The following ZNF91 variants were observed in gnomAD, a reference collection of about 807,000 sequenced individuals.
ZNF91 encodes the protein zinc finger protein 91 (HPF7, HTF10).
In ZNF91, 7 loss-of-function variants were observed where a neutral mutation model predicts 12.6. The observed-to-expected ratio is 0.55, with a 90% CI of 0.31 to 1.04. The LOEUF is 1.04. Ranked by LOEUF, ZNF91 falls within the 50% of genes least tolerant of loss-of-function variation. ZNF91 has a pLI of 0.05. For missense variants in ZNF91, 1,217 were observed against 1,385.4 expected (o/e 0.88, Z 1.93); for synonymous variants, 453 against 462.6 (o/e 0.98, Z 0.27).
At chr19:23,385,709 C>T (rs1312844112) in intron 1 of ZNF91, among the ~76,000 whole-genome samples, 1 of 152,152 alleles carries the variant, frequency 6.6e-6, no homozygotes, top group African/African-American at 2.4e-5. Context: ...AACACCTCAG[C>T]CTTTTTTCTA....
chr19:23,373,472 G>A (rs1022338835), intron 3 of ZNF91, among the ~76,000 whole-genome samples: 5 of 150,104 alleles, frequency 3.3e-5, no homozygotes, highest in Non-Finnish European at 7.4e-5. Flanking sequence ...TTAGCAAAAT[G>A]TAAAATTAGC....
At chr19:23,383,804 G>A (rs928031846) in intron 1 of ZNF91, among the ~76,000 whole-genome samples, 1 of 151,998 alleles carries the variant, frequency 6.6e-6, no homozygotes, top group Non-Finnish European at 1.5e-5. Flanking sequence ...GAGCAATCAG[G>A]CAAAAGATAA....
intron 1 of ZNF91, among the ~76,000 whole-genome samples, chr19:23,394,955 G>A (rs1315816428): frequency 6.6e-6 from 1 of 152,074 alleles, no homozygotes; most frequent in East Asian, 1.9e-4. Flanking sequence ...GAGGCCCTGG[G>A]AACCCCACGG....
chr19:23,329,601 C>T (rs1185509614), intron 1 of ZNF91, among the ~76,000 whole-genome samples: 2 of 152,176 alleles, frequency 1.3e-5, no homozygotes, highest in Non-Finnish European at 2.9e-5. Context: ...GAAAATGATT[C>T]ATTTTACCCC....
chr19:23,320,629 T>C (rs1967669296), intron 1 of ZNF91, among the ~76,000 whole-genome samples: 1 of 152,234 alleles, frequency 6.6e-6, no homozygotes, highest in Admixed American at 6.5e-5. Flanking sequence ...AACTGTCCCA[T>C]GATCCAATGA....
chr19:23,373,154 A>G (rs748543411), intron 3 of ZNF91, among the ~76,000 whole-genome samples: 3 of 152,134 alleles, frequency 2.0e-5, no homozygotes, highest in Non-Finnish European at 2.9e-5. Flanking sequence ...AAACCAGTCT[A>G]TAAATACTTG....
chr19:23,366,261 C>T (rs1026502525), intron 3 of ZNF91, among the ~76,000 whole-genome samples: 3 of 151,802 alleles, frequency 2.0e-5, no homozygotes, highest in Non-Finnish European at 4.4e-5. Context: ...CCCATACCTC[C>T]CTCCCAGACG....
In ZNF91 at chr19:23,345,638, T is replaced by A. The variant is rs144720348; in HGVS notation, c.254-6584A>T. 1.6e-4 allele frequency among the ~76,000 whole-genome samples: 25 copies of A among 152,126 alleles called. No homozygotes were observed. The East Asian group carries it at 4.3e-3, about 26-fold the overall frequency. On this transcript the variant is annotated intron_variant, in intron 3 of 3. Transcript: ENST00000599743. ...TTTTTCCTCTTTGGATCCAGCAGAC[T>A]GCTGTCCACCCTCCCAGCCCCTACC...
downstream of ZNF91, among the ~76,000 whole-genome samples, chr19:23,334,709 G>C (rs527820739): frequency 5.3e-5 from 8 of 152,202 alleles, no homozygotes; most frequent in East Asian, 1.5e-3. Flanking sequence ...CAAAAACATT[G>C]AATATGAACA....
chr19:23,336,861 C>T (rs1190243398), downstream of ZNF91, among the ~76,000 whole-genome samples: 1 of 152,054 alleles, frequency 6.6e-6, no homozygotes, highest in Admixed American at 6.6e-5. Context: ...GCTCCGCCCC[C>T]CAGGTTCATG....
chr19:23,384,953 G>A (rs2145127401), intron 1 of ZNF91: 1 of 893,752 alleles, frequency 1.1e-6, no homozygotes, highest in Non-Finnish European at 1.9e-6. Flanking sequence ...AAGTTGCCAA[G>A]GCTTAGCTGC....
At chr19:23,384,137 G>C (rs960399633) in intron 1 of ZNF91, among the ~76,000 whole-genome samples, 1 of 152,022 alleles carries the variant, frequency 6.6e-6, no homozygotes, top group Non-Finnish European at 1.5e-5. Flanking sequence ...AATTAAAGGC[G>C]TTTAAACAGG....
chr19:23,342,598 T>C (rs73565014), intron 3 of ZNF91, among the ~76,000 whole-genome samples: 84 of 134,922 alleles, frequency 6.2e-4, no homozygotes, highest in African/African-American at 1.9e-3. Context: ...CCTATTAAGA[T>C]AAAACATCTT....
At chr19:23,368,770 A>G (rs1335028713) in intron 3 of ZNF91, among the ~76,000 whole-genome samples, 3 of 152,028 alleles carry the variant, frequency 2.0e-5, no homozygotes, top group Non-Finnish European at 4.4e-5. Context: ...ATAAGTGTGA[A>G]TATCCAAAAA....
chr19:23,389,986 C>T (rs1037349879), intron 1 of ZNF91, among the ~76,000 whole-genome samples: 13 of 152,246 alleles, frequency 8.5e-5, no homozygotes, highest in Middle Eastern at 3.4e-3. Context: ...CAGAACTCAG[C>T]GGAACACTGT....
intron 3 of ZNF91, among the ~76,000 whole-genome samples, chr19:23,370,619 A>G (rs35528917): frequency 6.6e-6 from 1 of 152,018 alleles, no homozygotes. Context: ...CTGCCCCTCA[A>G]TCTCTCAAGT....
chr19:23,349,923 C>T (rs295380), intron 3 of ZNF91, among the ~76,000 whole-genome samples: 44,182 of 151,850 alleles, frequency 0.29, 6,732 homozygotes, highest in East Asian at 0.38. Context: ...AACGGATCAT[C>T]GAATATTAAC....
At position 23,360,988 on chromosome 19, in the gene ZNF91, C is replaced by T; in HGVS notation, c.1991G>A (p.Gly664Asp). 1 of 1,613,322 alleles carries T rather than the reference C, an allele frequency of 6.2e-7. No homozygotes were observed. Among genetic ancestry groups the T allele is most frequent in the Non-Finnish European group, 8.5e-7 (1 of 1,179,550 alleles). The change falls in exon 4 of 4, where the codon GGC (glycine) becomes GAC (aspartate). Residue 664 changes from glycine (G) to aspartate (D), a missense_variant. Coordinates refer to ENST00000300619, the MANE Select transcript of ZNF91 (RefSeq NM_003430.4). ...GEKPYKCKEC[G>D]KAFSNSSTLA... is the part of the protein sequence containing the mutation. ...GGTTGAGGAATTGCTAAAAGCTTTGCCACATTCTTTACATTTGTAGGGTTT... is the reference window on the plus strand; with the variant it reads ...GGTTGAGGAATTGCTAAAAGCTTTGTCACATTCTTTACATTTGTAGGGTTT...
intron 1 of ZNF91, among the ~76,000 whole-genome samples, chr19:23,385,584 C>T (rs1185516944): frequency 6.6e-6 from 1 of 152,204 alleles, no homozygotes; most frequent in African/African-American, 2.4e-5. Flanking sequence ...CACAAGAAAT[C>T]TAGCTTGGCC....
Sources: gnomAD v4.1 joint callset for allele counts (sites outside exome capture counted in the v4.1 genomes callset) on GRCh38, gnomAD v4.1.1 for gene constraint, MANE v1.5 for transcripts, NCBI Gene and HGNC (gene_info 2026-07-23, HGNC 2026-07-21) for gene names.